The following PPARGC1A variants were observed in gnomAD, a reference collection of about 807,000 sequenced individuals.
PPARGC1A encodes the protein PPARG coactivator 1 alpha.
In PPARGC1A, 25 loss-of-function variants were observed where a neutral mutation model predicts 88.7. The observed-to-expected ratio is 0.28, with a 90% CI of 0.21 to 0.39. The LOEUF is 0.39. Among genes scored for constraint, PPARGC1A ranks in the 10% least tolerant of loss-of-function variants. PPARGC1A has a pLI of 1.00. For synonymous variants in PPARGC1A, 363 were observed against 355.6 expected, an observed-to-expected ratio of 1.02 and a Z score of -0.24; for missense variants, 880 against 968.7, an observed-to-expected ratio of 0.91 and a Z score of 1.22.
the PPARGC1A span, among the ~76,000 whole-genome samples, chr4:24,396,346 C>T: frequency 2.6e-5 from 4 of 152,272 alleles, no homozygotes; most frequent in South Asian, 2.1e-4. Context: ...CTGCAGCTGA[C>T]GAGCTGGGGA....
At chr4:23,963,306 T>C in the PPARGC1A span, among the ~76,000 whole-genome samples, 2 of 152,194 alleles carry the variant, frequency 1.3e-5, no homozygotes, top group East Asian at 1.9e-4. Flanking sequence ...TATCATTCTT[T>C]ACCCACTGCA....
the PPARGC1A span, among the ~76,000 whole-genome samples, chr4:24,320,807 C>T: frequency 7.9e-5 from 12 of 152,136 alleles, no homozygotes; most frequent in African/African-American, 2.9e-4. Context: ...CCATAGGAAG[C>T]CGGGTAATAA....
At chr4:24,107,086 T>C in the PPARGC1A span, among the ~76,000 whole-genome samples, 1 of 152,220 alleles carries the variant, frequency 6.6e-6, no homozygotes, top group African/African-American at 2.4e-5. Context: ...AAATTATTAA[T>C]GAACACAAAT....
the PPARGC1A span, among the ~76,000 whole-genome samples, chr4:24,225,652 T>C: frequency 6.6e-6 from 1 of 151,844 alleles, no homozygotes; most frequent in Non-Finnish European, 1.5e-5. Flanking sequence ...CTATGGTATG[T>C]GCTAGAAAGA....
the PPARGC1A span, among the ~76,000 whole-genome samples, chr4:24,451,603 G>C: frequency 6.6e-6 from 1 of 152,106 alleles, no homozygotes; most frequent in African/African-American, 2.4e-5. Context: ...TTTTGAGATG[G>C]TGTCTTGCTC....
chr4:23,960,629 C>T, the PPARGC1A span, among the ~76,000 whole-genome samples: 29,567 of 151,916 alleles, frequency 0.19, 3,112 homozygotes, highest in Non-Finnish European at 0.23. Context: ...AGGAAAATGG[C>T]GAAATTATCA....
chr4:24,261,538 A>G, the PPARGC1A span, among the ~76,000 whole-genome samples: 1 of 152,146 alleles, frequency 6.6e-6, no homozygotes, highest in East Asian at 1.9e-4. Context: ...TTCACTTTGG[A>G]TGTAATTCAT....
At chr4:24,415,167 G>T in the PPARGC1A span, among the ~76,000 whole-genome samples, 2,018 of 151,578 alleles carry the variant, frequency 0.013, 60 homozygotes, top group East Asian at 0.11. Context: ...TCCAGCCTGG[G>T]TGACAGAGTG....
At chr4:24,158,701 T>C in the PPARGC1A span, among the ~76,000 whole-genome samples, 3 of 152,194 alleles carry the variant, frequency 2.0e-5, no homozygotes, top group South Asian at 6.2e-4. Context: ...ACAGCTTGAA[T>C]TGCTGTAAGG....
At chr4:23,812,228 C>T (rs548804571) in intron 10 of PPARGC1A, among the ~76,000 whole-genome samples, 67 of 152,164 alleles carry the variant, frequency 4.4e-4, no homozygotes, top group African/African-American at 1.6e-3. Flanking sequence ...CAGGCATGAG[C>T]CATCGTGCCT....
the PPARGC1A span, among the ~76,000 whole-genome samples, chr4:24,050,056 GA>G: frequency 6.6e-6 from 1 of 152,106 alleles, no homozygotes; most frequent in Non-Finnish European, 1.5e-5. Context: ...ATTTTCTGAA[GA>G]TTTTTTTGTG....
At chr4:24,161,969 C>T in the PPARGC1A span, among the ~76,000 whole-genome samples, 3,151 of 52,342 alleles carry the variant, frequency 0.06, 140 homozygotes, top group African/African-American at 0.23. Flanking sequence ...TATACACACA[C>T]ACACACACAC....
chr4:24,231,889 A>G, the PPARGC1A span, among the ~76,000 whole-genome samples: 2 of 152,210 alleles, frequency 1.3e-5, no homozygotes, highest in Middle Eastern at 3.2e-3. Context: ...TTCCAGGGGA[A>G]AAAAGTAACA....
At chr4:24,313,649 C>A in the PPARGC1A span, among the ~76,000 whole-genome samples, 91 of 152,288 alleles carry the variant, frequency 6.0e-4, no homozygotes, top group African/African-American at 1.9e-3. Flanking sequence ...TTTCATCCAG[C>A]CCGTCTGAGA....
chr4:24,241,491 C>T, the PPARGC1A span, among the ~76,000 whole-genome samples: 1 of 152,110 alleles, frequency 6.6e-6, no homozygotes, highest in Non-Finnish European at 1.5e-5. Flanking sequence ...TATTTTGCAT[C>T]CTTATTGGTC....
the PPARGC1A span, among the ~76,000 whole-genome samples, chr4:23,949,318 C>T: frequency 6.6e-6 from 1 of 152,142 alleles, no homozygotes; most frequent in Admixed American, 6.5e-5. Context: ...ACGACACTTG[C>T]AACCATCGAT....
the PPARGC1A span, among the ~76,000 whole-genome samples, chr4:24,382,851 A>G: frequency 2.0e-5 from 3 of 152,190 alleles, no homozygotes; most frequent in Non-Finnish European, 4.4e-5. Context: ...CTCTGAAGAG[A>G]GCAGCAGATC....
chr4:24,074,312 G>T, the PPARGC1A span, among the ~76,000 whole-genome samples: 1 of 151,614 alleles, frequency 6.6e-6, no homozygotes, highest in East Asian at 1.9e-4. Context: ...ACCAATTTCC[G>T]TTTCCTCATC....
chr4:24,157,795 C>T, the PPARGC1A span, among the ~76,000 whole-genome samples: 8 of 152,154 alleles, frequency 5.3e-5, no homozygotes, highest in East Asian at 3.9e-4. Flanking sequence ...TGAATCTTGG[C>T]GGCATCCTTC....
Sources: allele counts gnomAD v4.1 joint callset (sites outside exome capture counted in the v4.1 genomes callset), GRCh38; gene constraint gnomAD v4.1.1; transcripts MANE v1.5; gene names NCBI Gene and HGNC (gene_info 2026-07-23, HGNC 2026-07-21).